Variants in HS3ST4 observed in about 807,000 individuals in gnomAD.
HS3ST4 encodes the protein heparan sulfate-glucosamine 3-sulfotransferase 4.
HS3ST4 carries 17 observed loss-of-function variants against 29.2 expected under a neutral mutation model. The observed-to-expected ratio is 0.58, with a 90% confidence interval of 0.40 to 0.87. The LOEUF (loss-of-function observed/expected upper bound fraction) is 0.87. Ranked by LOEUF, HS3ST4 falls within the 40% of genes least tolerant of loss-of-function variation. The pLI is 0.00. For synonymous variants in HS3ST4, 314 were observed against 285.7 expected, an observed-to-expected ratio of 1.10 and a Z score of -1.00; for missense variants, 627 against 634.5, an observed-to-expected ratio of 0.99 and a Z score of 0.13.
chr16:25,913,263 C>A (rs1044041961), intron 1 of HS3ST4, among the ~76,000 whole-genome samples: 1 of 152,204 alleles, frequency 6.6e-6, no homozygotes, highest in Admixed American at 6.5e-5. Context: ...GAAACCTAAC[C>A]CCCCCGGGGA....
chr16:26,005,724 T>TA (rs2141736286), intron 1 of HS3ST4, among the ~76,000 whole-genome samples: 1 of 150,202 alleles, frequency 6.7e-6, no homozygotes, highest in Non-Finnish European at 1.5e-5. Context: ...GAGAAGATTT[T>TA]ACTGTGTGAA....
intron 1 of HS3ST4, among the ~76,000 whole-genome samples, chr16:25,975,447 A>G (rs1448021622): frequency 6.6e-6 from 1 of 152,192 alleles, no homozygotes; most frequent in Non-Finnish European, 1.5e-5. Flanking sequence ...GAAGAGCAAA[A>G]GAAAATAAGT....
At chr16:26,078,349 C>T (rs1207807303) in intron 1 of HS3ST4, among the ~76,000 whole-genome samples, 2 of 152,072 alleles carry the variant, frequency 1.3e-5, no homozygotes, top group Non-Finnish European at 2.9e-5. Context: ...AGGGTTTTAC[C>T]ATGTTAGCCA....
At chr16:25,712,648 A>G (rs1966424127) in intron 1 of HS3ST4, among the ~76,000 whole-genome samples, 1 of 152,216 alleles carries the variant, frequency 6.6e-6, no homozygotes, top group Non-Finnish European at 1.5e-5. Context: ...TTGGGATGGC[A>G]AAATCCTTTC....
intron 1 of HS3ST4, among the ~76,000 whole-genome samples, chr16:25,808,100 G>T (rs1967005924): frequency 6.6e-6 from 1 of 151,924 alleles, no homozygotes; most frequent in Non-Finnish European, 1.5e-5. Flanking sequence ...CTCTTATTAG[G>T]ATCTCTCACA....
At chr16:26,064,340 G>A (rs1339171238) in intron 1 of HS3ST4, among the ~76,000 whole-genome samples, 1 of 152,140 alleles carries the variant, frequency 6.6e-6, no homozygotes, top group Non-Finnish European at 1.5e-5. Flanking sequence ...TAATGTCCAA[G>A]GTGCTTAGGG....
At chr16:25,770,399 C>T (rs953572433) in intron 1 of HS3ST4, among the ~76,000 whole-genome samples, 10 of 152,158 alleles carry the variant, frequency 6.6e-5, no homozygotes, top group African/African-American at 2.4e-4. Context: ...ATTTTCACAA[C>T]CACCTTAGGA....
chr16:25,945,517 A>G (rs2141694280), intron 1 of HS3ST4, among the ~76,000 whole-genome samples: 1 of 152,260 alleles, frequency 6.6e-6, no homozygotes, highest in African/African-American at 2.4e-5. Flanking sequence ...GAGAATAATA[A>G]TTGCTGCATC....
In HS3ST4 at chr16:25,891,936, G is replaced by A. The variant is rs192542839; in HGVS notation, c.734+198785G>A. Among the ~76,000 whole-genome samples the A allele has an allele frequency of 1.6e-3, 245 of 152,298 alleles. 1 individual carries two copies. Among genetic ancestry groups the A allele is most frequent in the African/African-American group, 5.7e-3 (235 of 41,560 alleles). On this transcript the variant is annotated intron_variant, in intron 1 of 1. Coordinates refer to ENST00000331351, the MANE Select transcript of HS3ST4 (RefSeq NM_006040.3). Reference sequence around the variant, plus strand: ...CTTCATCTATGAAATGGGACTACTAGTTGTACCTATCTTATTGGATTATTA... The same window carrying A: ...CTTCATCTATGAAATGGGACTACTAATTGTACCTATCTTATTGGATTATTA...
intron 1 of HS3ST4, among the ~76,000 whole-genome samples, chr16:26,122,178 G>GAAAA (rs1899284864): frequency 1.4e-5 from 1 of 70,466 alleles, no homozygotes; most frequent in African/African-American, 8.1e-5. Context: ...TATAAACTAA[G>GAAAA]CAAAAAAAAA....
chr16:25,878,626 A>G (rs1262835880), intron 1 of HS3ST4, among the ~76,000 whole-genome samples: 1 of 152,144 alleles, frequency 6.6e-6, no homozygotes, highest in Non-Finnish European at 1.5e-5. Context: ...TTCCCCATTA[A>G]GGACTTGTCC....
At chr16:26,135,315 C>G (rs577526336) in intron 1 of HS3ST4, among the ~76,000 whole-genome samples, 18 of 151,960 alleles carry the variant, frequency 1.2e-4, no homozygotes, top group Non-Finnish European at 2.6e-4. Context: ...ACAACTAATA[C>G]GTAGAGAAAT....
chr16:26,080,248 C>A (rs1898710109), intron 1 of HS3ST4, among the ~76,000 whole-genome samples: 2 of 152,060 alleles, frequency 1.3e-5, no homozygotes, highest in Non-Finnish European at 2.9e-5. Flanking sequence ...ATACTTTTGC[C>A]TCCTTTGCTG....
intron 1 of HS3ST4, among the ~76,000 whole-genome samples, chr16:25,698,393 G>A (rs1298410335): frequency 3.3e-5 from 5 of 152,118 alleles, no homozygotes; most frequent in East Asian, 1.9e-4. Context: ...AACAAGCTTC[G>A]TGGCCCTACA....
At chr16:25,840,046 G>A (rs1967397646) in intron 1 of HS3ST4, among the ~76,000 whole-genome samples, 1 of 152,142 alleles carries the variant, frequency 6.6e-6, no homozygotes, top group African/African-American at 2.4e-5. Flanking sequence ...TACCTTCCAT[G>A]GCCTGTCAAT....
chr16:25,828,327 T>C (rs1210615609), intron 1 of HS3ST4, among the ~76,000 whole-genome samples: 36 of 138,514 alleles, frequency 2.6e-4, no homozygotes, highest in South Asian at 4.9e-4. Context: ...TCTCTCTCTC[T>C]CTCTCTCTCT....
intron 1 of HS3ST4, among the ~76,000 whole-genome samples, chr16:26,100,565 TG>T (rs1243755786): frequency 6.6e-6 from 1 of 152,184 alleles, no homozygotes; most frequent in Non-Finnish European, 1.5e-5. Flanking sequence ...GACCTCATTG[TG>T]GTGTGTTTGA....
intron 1 of HS3ST4, among the ~76,000 whole-genome samples, chr16:25,777,446 T>TGTGTGC (rs1491436477): frequency 6.9e-6 from 1 of 144,018 alleles, no homozygotes. Flanking sequence ...TGTGTGTGTG[T>TGTGTGC]GCACGTCCGT....
intron 1 of HS3ST4, among the ~76,000 whole-genome samples, chr16:25,854,346 TC>T (rs767831277): frequency 6.6e-6 from 1 of 152,182 alleles, no homozygotes; most frequent in Non-Finnish European, 1.5e-5. Context: ...TAAACTGTCA[TC>T]GTGCCAGTGG....
Sources: gnomAD v4.1 joint callset for allele counts (sites outside exome capture counted in the v4.1 genomes callset) on GRCh38, gnomAD v4.1.1 for gene constraint, MANE v1.5 for transcripts, NCBI Gene and HGNC (gene_info 2026-07-23, HGNC 2026-07-21) for gene names.